The following RSRC1 variants were observed in gnomAD, a reference collection of about 807,000 sequenced individuals.
RSRC1 encodes arginine and serine rich coiled-coil 1, also known as serine/Arginine-related protein 53.
In RSRC1, 39 loss-of-function variants were observed where a neutral mutation model predicts 49.1. The observed-to-expected ratio is 0.79, with a 90% CI of 0.61 to 1.04. The LOEUF (loss-of-function observed/expected upper bound fraction) is 1.04. RSRC1 is among the 50% of genes least tolerant of loss of function. The pLI, the probability that RSRC1 is intolerant of heterozygous loss-of-function variation, is 0.00. For missense variants in RSRC1, 388 were observed against 402.4 expected (o/e 0.96, Z 0.31); for synonymous variants, 143 against 130.8 (o/e 1.09, Z -0.63).
At chr3:158,157,349 C>G (rs1374042355) in intron 3 of RSRC1, among the ~76,000 whole-genome samples, 1 of 152,178 alleles carries the variant, frequency 6.6e-6, no homozygotes, top group African/African-American at 2.4e-5. Flanking sequence ...GATGAGGAAA[C>G]TGAGTCTTAC....
In RSRC1 at chr3:158,295,511, G is replaced by C. The variant is rs912975061; in HGVS notation, c.495-2528G>C. ...GGCAGCAACTACTGGCATTCAATAA[G>C]AGACTATTGCAGCAATTTAGGGAGA... On this transcript the variant is annotated intron_variant, in intron 4 of 9. Transcript: ENST00000611884. Among the ~76,000 whole-genome samples, 4 of 152,182 alleles carry C rather than the reference G, an allele frequency of 2.6e-5. No homozygotes were observed. In the South Asian group the frequency reaches 8.3e-4, roughly 32 times the overall value.
intron 3 of RSRC1, among the ~76,000 whole-genome samples, chr3:158,180,591 T>C (rs1012358928): frequency 6.6e-6 from 1 of 151,260 alleles, no homozygotes; most frequent in Admixed American, 6.6e-5. Flanking sequence ...CTCTCCCGAG[T>C]AGCTGGGGCT....
intron 6 of RSRC1, among the ~76,000 whole-genome samples, chr3:158,393,186 A>G (rs1454862343): frequency 6.6e-6 from 1 of 152,178 alleles, no homozygotes; most frequent in African/African-American, 2.4e-5. Context: ...AGGAAAGTTT[A>G]TAGTACTAAA....
intron 7 of RSRC1, among the ~76,000 whole-genome samples, chr3:158,489,004 A>G (rs1738950965): frequency 6.6e-6 from 1 of 152,222 alleles, no homozygotes; most frequent in South Asian, 2.1e-4. Context: ...GTGTTGTAAT[A>G]GCACTAACCT....
At chr3:158,203,352 A>C in intron 4 of RSRC1, 107 bp downstream of exon 4, 2 of 1,152,230 alleles carry the variant, frequency 1.7e-6, no homozygotes, top group Non-Finnish European at 2.4e-6. Flanking sequence ...TTGCTATAAG[A>C]GTAGAAGAAA....
chr3:158,418,861 A>AC (rs1457257498), intron 6 of RSRC1, among the ~76,000 whole-genome samples: 1 of 151,946 alleles, frequency 6.6e-6, no homozygotes, highest in Non-Finnish European at 1.5e-5. Context: ...CAGAGAAGTG[A>AC]CCGAGATTAA....
chr3:158,418,889 A>G (rs1734889084), intron 6 of RSRC1, among the ~76,000 whole-genome samples: 1 of 151,994 alleles, frequency 6.6e-6, no homozygotes, highest in Admixed American at 6.6e-5. Flanking sequence ...ATTTGGTTAA[A>G]AAATTGAGAT....
intron 7 of RSRC1, among the ~76,000 whole-genome samples, chr3:158,515,219 T>A (rs572837410): frequency 4.4e-4 from 67 of 152,290 alleles, no homozygotes; most frequent in African/African-American, 1.5e-3. Flanking sequence ...GTTGGCATGA[T>A]TTTGCAGCGG....
chr3:158,221,703 T>G (rs1722228564), intron 4 of RSRC1, among the ~76,000 whole-genome samples: 1 of 151,556 alleles, frequency 6.6e-6, no homozygotes, highest in South Asian at 2.1e-4. Flanking sequence ...ATGCCTTTCC[T>G]ATGCTTATTG....
At chr3:158,256,888 T>G (rs946064116) in intron 4 of RSRC1, among the ~76,000 whole-genome samples, 1 of 147,540 alleles carries the variant, frequency 6.8e-6, no homozygotes, top group Non-Finnish European at 1.5e-5. Flanking sequence ...CTGATGGTAG[T>G]TTGTACTTCT....
chr3:158,303,195 T>C (rs1727658735), intron 5 of RSRC1: 2 of 152,252 alleles, frequency 1.3e-5, no homozygotes, highest in Admixed American at 1.3e-4. Context: ...AAAATGATGC[T>C]ATCCTTTTCT....
At chr3:158,290,487 G>T (rs978169687) in intron 4 of RSRC1, among the ~76,000 whole-genome samples, 1 of 152,068 alleles carries the variant, frequency 6.6e-6, no homozygotes, top group Non-Finnish European at 1.5e-5. Flanking sequence ...GTGTTAGCCA[G>T]GATGGTCTCG....
chr3:158,411,123 G>A (rs954194608), intron 6 of RSRC1, among the ~76,000 whole-genome samples: 2 of 152,066 alleles, frequency 1.3e-5, no homozygotes, highest in African/African-American at 4.8e-5. Flanking sequence ...TGTAGCTGCA[G>A]CATGTTCATT....
intron 7 of RSRC1, among the ~76,000 whole-genome samples, chr3:158,478,058 T>G (rs1738459625): frequency 6.6e-6 from 1 of 151,082 alleles, no homozygotes; most frequent in Non-Finnish European, 1.5e-5. Context: ...AACCCCCATC[T>G]CTAAATATTA....
At chr3:158,416,865 A>T (rs572619414) in intron 6 of RSRC1, among the ~76,000 whole-genome samples, 15 of 152,192 alleles carry the variant, frequency 9.9e-5, no homozygotes, top group African/African-American at 3.4e-4. Context: ...AAAGCCAATT[A>T]GTATTTTCTG....
intron 3 of RSRC1, among the ~76,000 whole-genome samples, chr3:158,153,603 G>C (rs567587467): frequency 5.9e-5 from 9 of 152,282 alleles, no homozygotes; most frequent in African/African-American, 1.7e-4. Flanking sequence ...ATAGATGGTG[G>C]AGTTACTTGG....
intron 6 of RSRC1, among the ~76,000 whole-genome samples, chr3:158,382,924 A>T (rs1732776766): frequency 6.6e-6 from 1 of 152,178 alleles, no homozygotes; most frequent in Admixed American, 6.6e-5. Flanking sequence ...ATCATTTCTG[A>T]TACCATTTGT....
chr3:158,119,958 G>A (rs1715138472), intron 1 of RSRC1, among the ~76,000 whole-genome samples: 1 of 151,412 alleles, frequency 6.6e-6, no homozygotes, highest in African/African-American at 2.4e-5. Context: ...AGACTACTGA[G>A]TAGCTGAGAC....
intron 5 of RSRC1, among the ~76,000 whole-genome samples, chr3:158,332,506 T>C (rs1729610175): frequency 6.6e-6 from 1 of 152,192 alleles, no homozygotes; most frequent in Non-Finnish European, 1.5e-5. Flanking sequence ...AAAACTTAAA[T>C]ATTTCTTGCA....
Sources: allele counts gnomAD v4.1 joint callset (sites outside exome capture counted in the v4.1 genomes callset), GRCh38; gene constraint gnomAD v4.1.1; transcripts MANE v1.5; gene names NCBI Gene and HGNC (gene_info 2026-07-23, HGNC 2026-07-21).